Variants in PLD5 observed in about 807,000 individuals in gnomAD.
PLD5 encodes inactive phospholipase D5.
Under a neutral mutation model 61.1 loss-of-function variants are expected in PLD5, and 36 were observed. The observed-to-expected ratio is 0.59, with a 90% confidence interval of 0.45 to 0.78. The LOEUF (loss-of-function observed/expected upper bound fraction) is 0.78. PLD5 is among the 30% of genes least tolerant of loss of function. The pLI, the probability that PLD5 is intolerant of heterozygous loss-of-function variation, is 0.00. For missense variants in PLD5, 515 were observed against 644.4 expected (o/e 0.80, Z 2.17); for synonymous variants, 243 against 242.8 (o/e 1.00, Z -0.01).
chr1:242,350,332 T>A (rs397834458), intron 1 of PLD5, among the ~76,000 whole-genome samples: 1 of 152,194 alleles, frequency 6.6e-6, no homozygotes, highest in African/African-American at 2.4e-5. Flanking sequence ...TAAAAGTCTA[T>A]GTACAGCTTT....
chr1:242,339,541 T>C (rs1041699827), intron 2 of PLD5, among the ~76,000 whole-genome samples: 1 of 152,198 alleles, frequency 6.6e-6, no homozygotes, highest in South Asian at 2.1e-4. Flanking sequence ...TACAAAGTTT[T>C]CCCACTCCTC....
At chr1:242,095,325 C>T (rs1292754974) in intron 9 of PLD5, among the ~76,000 whole-genome samples, 5 of 152,258 alleles carry the variant, frequency 3.3e-5, no homozygotes, top group Admixed American at 6.5e-5. Flanking sequence ...CTCTGTCTCC[C>T]GGGTTCAAGC....
rs113976279 is a variant in PLD5, at chr1:242,508,792, C to T, written c.189+15296G>A. On this transcript the variant is annotated intron_variant, in intron 1 of 9. Coordinates refer to ENST00000536534, the MANE Select transcript of PLD5 (RefSeq NM_001372062.1). ...AATAATAAGACAACTATCTAAAAGCCATAGAGGGCCAGGCATAGTGGCTTA... is the reference window on the plus strand; with the variant it reads ...AATAATAAGACAACTATCTAAAAGCTATAGAGGGCCAGGCATAGTGGCTTA... 1.3e-3 allele frequency among the ~76,000 whole-genome samples: 203 copies of T among 152,122 alleles called. 1 individual carries two copies. The highest frequency in any genetic ancestry group is 4.7e-3 in the African/African-American group (193 of 41,494).
chr1:242,496,189 G>T (rs1233887983), intron 1 of PLD5, among the ~76,000 whole-genome samples: 1 of 152,078 alleles, frequency 6.6e-6, no homozygotes, highest in African/African-American at 2.4e-5. Context: ...AAAAAAATCA[G>T]AGAACTAAAA....
At chr1:242,163,211 T>C (rs1666003596) in intron 5 of PLD5, among the ~76,000 whole-genome samples, 2 of 150,240 alleles carry the variant, frequency 1.3e-5, no homozygotes, top group Admixed American at 6.7e-5. Context: ...TGGCGCGATC[T>C]CGGCTCACTG....
chr1:242,410,617 C>G (rs1478869526), intron 1 of PLD5, among the ~76,000 whole-genome samples: 1 of 151,812 alleles, frequency 6.6e-6, no homozygotes, highest in Admixed American at 6.6e-5. Flanking sequence ...TCCCACTGAA[C>G]ATTCATCAGC....
At chr1:242,177,474 T>A (rs1166923745) in intron 5 of PLD5, among the ~76,000 whole-genome samples, 1 of 152,002 alleles carries the variant, frequency 6.6e-6, no homozygotes, top group Non-Finnish European at 1.5e-5. Context: ...AGGTGACGGG[T>A]TGATGGGTGC....
intron 1 of PLD5, among the ~76,000 whole-genome samples, chr1:242,408,045 A>T (rs910671549): frequency 2.8e-5 from 4 of 143,648 alleles, no homozygotes; most frequent in African/African-American, 1.1e-4. Context: ...GGTCTTCATA[A>T]TTTCTTTTCA....
At chr1:242,244,116 G>A (rs990159084) in intron 4 of PLD5, among the ~76,000 whole-genome samples, 1 of 152,178 alleles carries the variant, frequency 6.6e-6, no homozygotes, top group Admixed American at 6.5e-5. Flanking sequence ...CTGATAGAGT[G>A]TGTTGGCCTA....
intron 4 of PLD5, among the ~76,000 whole-genome samples, chr1:242,252,004 G>T (rs991932570): frequency 2.0e-5 from 3 of 152,178 alleles, no homozygotes; most frequent in African/African-American, 7.2e-5. Context: ...TAAGAGACAT[G>T]ATCTTATGGA....
intron 1 of PLD5, among the ~76,000 whole-genome samples, chr1:242,366,457 T>G (rs768085406): frequency 2.6e-5 from 4 of 152,212 alleles, no homozygotes; most frequent in Non-Finnish European, 5.9e-5. Context: ...ATTCTCATTA[T>G]TTTTACTGGA....
chr1:242,246,682 A>AT, intron 4 of PLD5, among the ~76,000 whole-genome samples: 1 of 152,098 alleles, frequency 6.6e-6, no homozygotes, highest in Non-Finnish European at 1.5e-5. Context: ...TAATCTAAAG[A>AT]TTTTCCCCTT....
chr1:242,296,062 C>T (rs540776165), intron 2 of PLD5, among the ~76,000 whole-genome samples: 10 of 152,164 alleles, frequency 6.6e-5, no homozygotes, highest in Non-Finnish European at 1.3e-4. Flanking sequence ...GTTCCCGCTT[C>T]TGAGCAGAAA....
At chr1:242,120,384 C>G (rs1247068051) in intron 6 of PLD5, among the ~76,000 whole-genome samples, 1 of 151,960 alleles carries the variant, frequency 6.6e-6, no homozygotes, top group African/African-American at 2.4e-5. Context: ...AGCTGCTGAC[C>G]TCAAGTGATC....
intron 1 of PLD5, among the ~76,000 whole-genome samples, chr1:242,470,353 AAAAAG>A (rs1263591933): frequency 4.5e-4 from 59 of 129,870 alleles, no homozygotes; most frequent in Admixed American, 1.1e-3. Flanking sequence ...AAGAAAAAAA[AAAAAG>A]AAAGAAAGAA....
chr1:242,323,808 T>A (rs2149191300), intron 2 of PLD5, among the ~76,000 whole-genome samples: 1 of 152,272 alleles, frequency 6.6e-6, no homozygotes, highest in Admixed American at 6.5e-5. Context: ...CTAAAATGTT[T>A]AAATGGACTC....
At chr1:242,344,907 G>A (rs6702084) in intron 2 of PLD5, among the ~76,000 whole-genome samples, 131,323 of 152,088 alleles carry the variant, frequency 0.86, 57,225 homozygotes, top group Non-Finnish European at 0.93. Context: ...CCTCAGAATC[G>A]TGGCGGGAGA....
intron 3 of PLD5, among the ~76,000 whole-genome samples, chr1:242,287,662 C>T (rs1293448010): frequency 6.6e-6 from 1 of 152,068 alleles, no homozygotes; most frequent in East Asian, 1.9e-4. Context: ...AGGCCAATGG[C>T]TATATATTTA....
chr1:242,144,917 T>G (rs546029791), intron 5 of PLD5, among the ~76,000 whole-genome samples: 3 of 152,306 alleles, frequency 2.0e-5, no homozygotes, highest in African/African-American at 7.2e-5. Flanking sequence ...TTGGGAACTC[T>G]AAACAGTGAT....
Sources: gnomAD v4.1 joint callset for allele counts (sites outside exome capture counted in the v4.1 genomes callset) on GRCh38, gnomAD v4.1.1 for gene constraint, MANE v1.5 for transcripts, NCBI Gene and HGNC (gene_info 2026-07-23, HGNC 2026-07-21) for gene names.